Variants in POLA1 observed in about 807,000 individuals in gnomAD.
POLA1 encodes the protein DNA polymerase alpha 1, catalytic subunit.
In POLA1, 15 loss-of-function variants were observed where a neutral mutation model predicts 124.0. The observed-to-expected ratio is 0.12, with a 90% CI of 0.08 to 0.19. The LOEUF (loss-of-function observed/expected upper bound fraction) is 0.19. Among genes scored for constraint, POLA1 ranks in the 10% least tolerant of loss-of-function variants. The pLI is 1.00. For synonymous variants in POLA1, 408 were observed against 389.4 expected (o/e 1.05, Z -0.56); for missense variants, 886 against 1,103.4 (o/e 0.80, Z 2.79).
At chrX:24,737,832 G>A in intron 19 of POLA1, 91 bp downstream of exon 19, 1 of 425,872 alleles carries the variant, frequency 2.3e-6, no homozygotes, top group South Asian at 5.1e-5. Context: ...AACAGGAATT[G>A]GTTATCTTGT....
chrX:24,694,747 C>A (rs1384166664), intron 1 of POLA1, among the ~76,000 whole-genome samples: 1 of 112,292 alleles, frequency 8.9e-6, no homozygotes, highest in Non-Finnish European at 1.9e-5. Flanking sequence ...TAAAGCGTGA[C>A]TTCAGTTAAC....
At position 24,805,211 on chromosome X, in the gene POLA1, G is replaced by T. The variant is rs1478467417; in HGVS notation, c.2965-4687G>T. On this transcript the variant is annotated intron_variant, in intron 26 of 36. Transcript: ENST00000379068. ...GCCTGCAATGATTGATATGATGGCAGTGCTGTCATTCTTTTTAACCAAAAA... is the reference window on the plus strand; with the variant it reads ...GCCTGCAATGATTGATATGATGGCATTGCTGTCATTCTTTTTAACCAAAAA... 4.5e-5 allele frequency among the ~76,000 whole-genome samples: 5 copies of T among 110,768 alleles called. No homozygotes were observed. In the Admixed American group the frequency reaches 4.8e-4, roughly 11 times the overall value.
At chrX:24,810,590 T>C in intron 27 of POLA1, 118 bp from the exon 28 acceptor site, 1 of 372,165 alleles carries the variant, frequency 2.7e-6, no homozygotes, top group Non-Finnish European at 4.7e-6. Context: ...ATAATTAACA[T>C]AAACTTTTGA....
intron 15 of POLA1, among the ~76,000 whole-genome samples, chrX:24,729,597 CCTTCT>C (rs1312915090): frequency 9.0e-6 from 1 of 111,702 alleles, no homozygotes; most frequent in Non-Finnish European, 1.9e-5. Context: ...ATGCTTACTT[CCTTCT>C]CTTTAATTGC....
At chrX:24,905,679 C>T (rs1601855507) in intron 35 of POLA1, among the ~76,000 whole-genome samples, 1 of 107,475 alleles carries the variant, frequency 9.3e-6, no homozygotes, top group African/African-American at 3.4e-5. Flanking sequence ...TCTCCTGCCT[C>T]AGCCTCCTGA....
chrX:24,959,226 G>A (rs2048142012), intron 36 of POLA1, among the ~76,000 whole-genome samples: 1 of 111,630 alleles, frequency 9.0e-6, no homozygotes, highest in Non-Finnish European at 1.9e-5. Flanking sequence ...AGCAATTTGG[G>A]AGGCCACAGT....
At chrX:24,703,863 C>T (rs1358080865) in intron 3 of POLA1, among the ~76,000 whole-genome samples, 1 of 111,976 alleles carries the variant, frequency 8.9e-6, no homozygotes, top group African/African-American at 3.2e-5. Flanking sequence ...CATACAAAGG[C>T]TGGTCCTAAT....
rs758297577 is a variant in POLA1 at position 24,996,168 on chromosome X, C to T, written c.*218C>T. ...CCTGTCTTCATATTAAGATGTACTGCTTTAAAACACAACTCCAGAGCCCCT... is the reference window on the plus strand; with the variant it reads ...CCTGTCTTCATATTAAGATGTACTGTTTTAAAACACAACTCCAGAGCCCCT... On this transcript the variant is annotated 3_prime_UTR_variant, in exon 37 of 37. Transcript: ENST00000379068. The T allele has an allele frequency of 9.3e-4, 310 of 334,063 alleles. No individual in the cohort carries two copies. The highest frequency in any genetic ancestry group is 7.8e-3 in the African/African-American group (294 of 37,754). 27.5% of individuals were successfully genotyped at this position (334,063 alleles called of 1,213,427 possible).
chrX:24,785,182 A>G (rs943188996), intron 26 of POLA1, among the ~76,000 whole-genome samples: 3 of 112,554 alleles, frequency 2.7e-5, no homozygotes, highest in African/African-American at 9.7e-5. Context: ...CATTGTACAG[A>G]ATGAAAGGAA....
Position 24,699,565 on chromosome X carries a change from T to TC in POLA1, c.168+17dup, listed in dbSNP as rs770107216. On this transcript the variant is annotated intron_variant, in intron 2 of 36. Transcript: ENST00000379068. ...TAAATATGAAGTAAGTAACCATTTT[T>TC]CTTCTTTATTCTTCCTGTGCATCAT... 1.8e-6 allele frequency: 2 copies of TC among 1,110,988 alleles called. No individual in the cohort carries two copies. The highest frequency in any genetic ancestry group is 2.4e-6 in the Non-Finnish European group (2 of 832,453). The allele number at this position is 1,110,988 out of a possible 1,213,427, so 91.6% of individuals were successfully genotyped here. A position where few individuals can be genotyped will look rare whatever the true frequency, so the allele number is the denominator to read the frequency against.
At chrX:24,844,636 A>G (rs1374940287) in intron 34 of POLA1, among the ~76,000 whole-genome samples, 1 of 112,205 alleles carries the variant, frequency 8.9e-6, no homozygotes, top group African/African-American at 3.2e-5. Context: ...GATGAAGAGT[A>G]AAAACATAGA....
chrX:24,767,873 G>A (rs1411572256), intron 26 of POLA1, among the ~76,000 whole-genome samples: 1 of 111,923 alleles, frequency 8.9e-6, no homozygotes, highest in Non-Finnish European at 1.9e-5. Context: ...TGATTGTGTG[G>A]CAAGTTAGTA....
At chrX:24,891,055 AAGGTT>A (rs2047137409) in intron 35 of POLA1, among the ~76,000 whole-genome samples, 1 of 112,577 alleles carries the variant, frequency 8.9e-6, no homozygotes, top group African/African-American at 3.2e-5. Flanking sequence ...GAGAAGGTAA[AAGGTT>A]AGTCTATAAT....
At chrX:24,975,629 T>A (rs1030477464) in intron 36 of POLA1, among the ~76,000 whole-genome samples, 1 of 111,964 alleles carries the variant, frequency 8.9e-6, no homozygotes, top group East Asian at 2.8e-4. Flanking sequence ...CATGAGAGAA[T>A]GAGAGTGGAA....
chrX:24,920,174 A>T (rs902104434), intron 35 of POLA1, among the ~76,000 whole-genome samples: 1 of 110,927 alleles, frequency 9.0e-6, no homozygotes. Context: ...AAATTTTGAC[A>T]TATTTTTAAT....
intron 32 of POLA1, among the ~76,000 whole-genome samples, chrX:24,837,419 G>T (rs2046355256): frequency 8.9e-6 from 1 of 111,757 alleles, no homozygotes; most frequent in Admixed American, 9.5e-5. Context: ...CTTGTTGCAT[G>T]TAGCAGTATT....
chrX:24,887,400 T>C (rs1432727780), intron 34 of POLA1, among the ~76,000 whole-genome samples: 1 of 112,494 alleles, frequency 8.9e-6, no homozygotes, highest in East Asian at 2.8e-4. Flanking sequence ...AAGCTAGTTT[T>C]ATGTCTCTAG....
rs376493960 is a variant in POLA1, at chrX:24,881,717, G to A, written c.4048-6289G>A. 3.9e-4 allele frequency among the ~76,000 whole-genome samples: 44 copies of A among 111,698 alleles called. No individual in the cohort carries two copies. In the South Asian group the frequency reaches 0.016, roughly 40 times the overall value. On this transcript the variant is annotated intron_variant, in intron 34 of 36. Coordinates refer to ENST00000379068, the MANE Select transcript of POLA1 (RefSeq NM_001330360.2). ...CAGTGCACCGCAGTGTGTGTTCAGC[G>A]TTAGGTGGAATAAGGAAGAAATCCC... is the stretch of plus-strand genomic sequence containing the variant.
chrX:24,747,635 G>A (rs1932084775), intron 24 of POLA1, among the ~76,000 whole-genome samples: 1 of 110,330 alleles, frequency 9.1e-6, no homozygotes, highest in African/African-American at 3.3e-5. Context: ...TTTAATCCTG[G>A]AGGTCTGTCT....
Sources: allele counts gnomAD v4.1 joint callset (sites outside exome capture counted in the v4.1 genomes callset), GRCh38; gene constraint gnomAD v4.1.1; transcripts MANE v1.5; gene names NCBI Gene and HGNC (gene_info 2026-07-23, HGNC 2026-07-21).